Variants in MATN2 observed in about 807,000 individuals in gnomAD.
MATN2 encodes matrilin 2, also known as matrilin-2.
Under a neutral mutation model 103.2 loss-of-function variants are expected in MATN2, and 69 were observed. The observed-to-expected ratio is 0.67, with a 90% CI of 0.55 to 0.82. MATN2 has a LOEUF of 0.82. MATN2 is among the 40% of genes least tolerant of loss of function. The probability of loss-of-function intolerance (pLI) is 0.00; values close to 1 mark genes in which losing one functional copy is unlikely to be tolerated. For missense variants in MATN2, 1,023 were observed against 1,211.5 expected (o/e 0.84, Z 2.31); for synonymous variants, 429 against 450.2 (o/e 0.95, Z 0.60).
At position 98,024,029 on chromosome 8, in the gene MATN2, G is replaced by C. The variant is rs568227690; in HGVS notation, c.1942+2702G>C. Among the ~76,000 whole-genome samples, 8 of 152,200 alleles carry C rather than the reference G, an allele frequency of 5.3e-5. No individual in the cohort carries two copies. In the South Asian group the frequency reaches 1.7e-3, roughly 32 times the overall value. On this transcript the variant is annotated intron_variant, in intron 13 of 18. Coordinates refer to ENST00000254898, the MANE Select transcript of MATN2 (RefSeq NM_002380.5). ...CACAGGGAGGGGAACAACACACACC[G>C]GGGCCTGTTGGGGGTAGTCGGGAGT... is the stretch of plus-strand genomic sequence containing the variant.
At chr8:97,979,085 C>G in intron 6 of MATN2, 77 bp downstream of exon 6, 1 of 1,462,912 alleles carries the variant, frequency 6.8e-7, no homozygotes, top group Non-Finnish European at 9.3e-7. Context: ...GGAACTCTCT[C>G]AAGTATAGAT....
At position 97,957,014 on chromosome 8, in the gene MATN2, TATA is replaced by T. The variant is rs1340593589; in HGVS notation, c.836-4391_836-4389del. ...TCTGGAGAGTCAAAACTGACCCTCTTATAATGGGGCAGATAGCCGTGATCAAGT... is the reference window on the plus strand; with the variant it reads ...TCTGGAGAGTCAAAACTGACCCTCTTATGGGGCAGATAGCCGTGATCAAGT... On this transcript the variant is annotated intron_variant, in intron 4 of 18. Coordinates refer to ENST00000254898, the MANE Select transcript of MATN2 (RefSeq NM_002380.5). Among the ~76,000 whole-genome samples the T allele has an allele frequency of 2.0e-5, 3 of 152,296 alleles. No individual in the cohort carries two copies. The East Asian group carries it at 5.8e-4, about 29-fold the overall frequency.
intron 1 of MATN2, among the ~76,000 whole-genome samples, chr8:97,883,389 CTTTG>C (rs112574377): frequency 2.2e-4 from 34 of 151,328 alleles, no homozygotes; most frequent in African/African-American, 6.8e-4. Context: ...TGCCATTGCA[CTTTG>C]TTTGTTTGTT....
chr8:98,017,794 A>T (rs1394601486), intron 11 of MATN2, among the ~76,000 whole-genome samples, 200 bp from the exon 12 acceptor site: 1 of 152,224 alleles, frequency 6.6e-6, no homozygotes, highest in Non-Finnish European at 1.5e-5. Flanking sequence ...GATGGTGAAG[A>T]CAGTGAAACA....
intron 2 of MATN2, among the ~76,000 whole-genome samples, chr8:97,926,122 G>A (rs924424198): frequency 6.6e-6 from 1 of 152,192 alleles, no homozygotes. Flanking sequence ...TTGGAGTCAA[G>A]CTGACAGTAC....
intron 13 of MATN2, chr8:98,025,634 T>G: frequency 3.2e-6 from 1 of 308,666 alleles, no homozygotes; most frequent in South Asian, 2.3e-5. Context: ...TAATCCCAGC[T>G]ACTTGGGAGG....
intron 7 of MATN2, among the ~76,000 whole-genome samples, chr8:97,999,843 G>A (rs1325448887): frequency 2.6e-5 from 4 of 151,170 alleles, no homozygotes; most frequent in African/African-American, 9.7e-5. Context: ...AGTCACCTGG[G>A]AGGGCACGTC....
At chr8:97,989,696 A>T (rs1210618742) in intron 6 of MATN2, among the ~76,000 whole-genome samples, 1 of 150,240 alleles carries the variant, frequency 6.7e-6, no homozygotes, top group Admixed American at 6.6e-5. Context: ...CTAGATTGTT[A>T]AAAAAAAACA....
chr8:97,924,518 C>T (rs567596892), intron 2 of MATN2, among the ~76,000 whole-genome samples: 7 of 152,176 alleles, frequency 4.6e-5, no homozygotes, highest in Non-Finnish European at 8.8e-5. Context: ...TGTAGTCCTT[C>T]TATTCCCCAC....
At chr8:97,915,454 T>C (rs1809590784) in intron 2 of MATN2, among the ~76,000 whole-genome samples, 1 of 152,210 alleles carries the variant, frequency 6.6e-6, no homozygotes, top group African/African-American at 2.4e-5. Flanking sequence ...GATGATAGAA[T>C]TGTCTCCGAA....
intron 2 of MATN2, among the ~76,000 whole-genome samples, chr8:97,928,945 T>A (rs1738867056): frequency 6.6e-6 from 1 of 152,228 alleles, no homozygotes; most frequent in African/African-American, 2.4e-5. Context: ...AAACTTGTTC[T>A]GAAAATCAAA....
At chr8:97,904,711 G>C (rs1484486655) in intron 2 of MATN2, among the ~76,000 whole-genome samples, 1 of 152,050 alleles carries the variant, frequency 6.6e-6, no homozygotes, top group Non-Finnish European at 1.5e-5. Context: ...AGGCCAATCA[G>C]ACATACCAGT....
At chr8:97,920,359 C>T (rs1233688534) in intron 2 of MATN2, among the ~76,000 whole-genome samples, 3 of 152,134 alleles carry the variant, frequency 2.0e-5, no homozygotes, top group Non-Finnish European at 2.9e-5. Flanking sequence ...AGGGGCACGC[C>T]ACCATGCCTG....
chr8:97,918,561 C>T (rs550586898), intron 2 of MATN2, among the ~76,000 whole-genome samples: 35 of 152,278 alleles, frequency 2.3e-4, no homozygotes, highest in Admixed American at 1.5e-3. Context: ...ATTTGAACTC[C>T]GGTAGGTGCA....
intron 6 of MATN2, among the ~76,000 whole-genome samples, chr8:97,981,592 C>T (rs1326654723): frequency 6.6e-6 from 1 of 152,162 alleles, no homozygotes; most frequent in Admixed American, 6.5e-5. Context: ...TGTGATGCAG[C>T]CAGGACCACA....
At chr8:97,887,764 CTA>C (rs1818487313) in intron 1 of MATN2, 1 of 178,016 alleles carries the variant, frequency 5.6e-6, no homozygotes, top group African/African-American at 2.4e-5. Flanking sequence ...TAAAATGTGA[CTA>C]TGAGTAATTG....
rs142604035 is a variant in MATN2 at position 98,002,240 on chromosome 8, C to T, written c.1205-1421C>T. On this transcript the variant is annotated intron_variant, in intron 7 of 18. Transcript: ENST00000254898. ...CAGTTTCCATCTGCTGGCAGAAACA[C>T]AGCATGGATAGAGTGACCTTACCAT... Among the ~76,000 whole-genome samples, 548 of 152,288 alleles carry T rather than the reference C, an allele frequency of 3.6e-3. 5 individuals are homozygous for T. The highest frequency in any genetic ancestry group is 0.012 in the African/African-American group (513 of 41,556).
intron 6 of MATN2, among the ~76,000 whole-genome samples, chr8:97,981,671 T>G (rs1720345816): frequency 6.6e-6 from 1 of 152,144 alleles, no homozygotes; most frequent in African/African-American, 2.4e-5. Context: ...GGATGAGGAC[T>G]GGAGAAAAAC....
At chr8:98,034,351 C>T (rs1814157993) in intron 18 of MATN2, 4 of 366,156 alleles carry the variant, frequency 1.1e-5, no homozygotes, top group South Asian at 2.0e-5. Flanking sequence ...CTTAAAATTA[C>T]AGTAAGCGTA....
Sources: allele counts gnomAD v4.1 joint callset (sites outside exome capture counted in the v4.1 genomes callset), GRCh38; gene constraint gnomAD v4.1.1; transcripts MANE v1.5; gene names NCBI Gene and HGNC (gene_info 2026-07-23, HGNC 2026-07-21).